Variants in CSMD3 observed in about 807,000 individuals in gnomAD.
CSMD3 encodes the protein CUB and Sushi multiple domains 3.
A neutral mutation model predicts 435.2 loss-of-function variants in CSMD3; 177 were observed. That is an observed-to-expected ratio of 0.41 (90% CI 0.36 to 0.46). The LOEUF is 0.46. Among genes scored for constraint, CSMD3 ranks in the 20% least tolerant of loss-of-function variants. The pLI, the probability that CSMD3 is intolerant of heterozygous loss-of-function variation, is 0.34. For synonymous variants in CSMD3, 1,656 were observed against 1,520.5 expected, an observed-to-expected ratio of 1.09 and a Z score of -2.07; for missense variants, 4,265 against 4,504.6, an observed-to-expected ratio of 0.95 and a Z score of 1.52.
At chr8:112,346,632 CA>C (rs1175548975) in intron 40 of CSMD3, among the ~76,000 whole-genome samples, 1 of 144,554 alleles carries the variant, frequency 6.9e-6, no homozygotes, top group East Asian at 2.1e-4. Flanking sequence ...GTACTGTATT[CA>C]AGAGGAAATC....
intron 13 of CSMD3, among the ~76,000 whole-genome samples, chr8:112,759,147 T>A (rs1293171877): frequency 2.0e-5 from 3 of 152,100 alleles, no homozygotes; most frequent in African/African-American, 7.2e-5. Flanking sequence ...AAGGCCTAAA[T>A]TTACAGCTGA....
At chr8:113,300,891 G>A (rs960146096) in intron 2 of CSMD3, among the ~76,000 whole-genome samples, 4 of 152,020 alleles carry the variant, frequency 2.6e-5, no homozygotes, top group African/African-American at 9.7e-5. Context: ...GCATACAATT[G>A]AGTTAAAATG....
chr8:113,164,073 T>C (rs1258768700), intron 4 of CSMD3, among the ~76,000 whole-genome samples: 1 of 152,024 alleles, frequency 6.6e-6, no homozygotes, highest in African/African-American at 2.4e-5. Context: ...AATCGTGTTT[T>C]CCAGATTTGT....
At chr8:113,290,943 A>G (rs1003198771) in intron 2 of CSMD3, among the ~76,000 whole-genome samples, 1 of 151,340 alleles carries the variant, frequency 6.6e-6, no homozygotes. Context: ...TATTTTTTTA[A>G]ATTACCCATT....
chr8:112,975,995 C>T lies in CSMD3; in HGVS notation c.1184G>A (p.Arg395Gln), dbSNP rs1564168791. The change falls in exon 7 of 71, where the codon CGA becomes CAA. Residue 395 changes from arginine (R) to glutamine (Q), a missense_variant. By Grantham distance (43) the Arg-to-Gln change is conservative. Coordinates refer to ENST00000297405, the MANE Select transcript of CSMD3 (RefSeq NM_198123.2). ...VTIHRLSEEQ[R>Q]VQVTSLRNSG... The stretch of plus-strand genomic sequence containing the variant: ...ATTTCTGAGACTCGTAACTTGCACT[C>T]GCTGTTCCTCGGAAAGTCTATGGAT... 1.9e-6 allele frequency: 3 copies of T among 1,613,986 alleles called. No individual in the cohort carries two copies. The highest frequency in any genetic ancestry group is 1.1e-5 in the South Asian group (1 of 91,082).
At chr8:113,207,167 T>G (rs1348606195) in intron 3 of CSMD3, among the ~76,000 whole-genome samples, 1 of 152,174 alleles carries the variant, frequency 6.6e-6, no homozygotes, top group Non-Finnish European at 1.5e-5. Context: ...TTCTTATCTT[T>G]CTTCATTGAA....
intron 22 of CSMD3, among the ~76,000 whole-genome samples, chr8:112,616,526 C>G (rs915676581): frequency 1.3e-5 from 2 of 151,968 alleles, no homozygotes; most frequent in African/African-American, 4.8e-5. Context: ...AGTCCCTCAC[C>G]AACAATCAAT....
At chr8:112,842,482 GTGT>G (rs751688240) in intron 11 of CSMD3, among the ~76,000 whole-genome samples, 14 of 151,846 alleles carry the variant, frequency 9.2e-5, no homozygotes, top group Non-Finnish European at 1.6e-4. Flanking sequence ...GAATTTATTA[GTGT>G]TGTTGGTGGT....
intron 32 of CSMD3, among the ~76,000 whole-genome samples, chr8:112,456,471 C>T (rs1362670054): frequency 6.6e-6 from 1 of 151,726 alleles, no homozygotes; most frequent in East Asian, 1.9e-4. Flanking sequence ...AATGTGCTTT[C>T]TGAAGAGAGG....
At chr8:112,269,183 G>C (rs943271353) in intron 59 of CSMD3, among the ~76,000 whole-genome samples, 4 of 152,304 alleles carry the variant, frequency 2.6e-5, no homozygotes, top group Middle Eastern at 6.8e-3. Context: ...TCAGTTTTAT[G>C]CTGGGATATC....
intron 5 of CSMD3, among the ~76,000 whole-genome samples, chr8:113,037,440 G>A (rs773348532): frequency 3.9e-5 from 6 of 151,946 alleles, no homozygotes; most frequent in Non-Finnish European, 8.8e-5. Flanking sequence ...ATGTCTGATA[G>A]GAGAGATGTT....
At position 112,625,582 on chromosome 8, in the gene CSMD3, C is replaced by A. The variant is rs147824016; in HGVS notation, c.3715+11235G>T. The stretch of plus-strand genomic sequence containing the variant: ...AATGCATGAAATAAAAGCTATCCAT[C>A]ACCTTTGAAATACACTGTTTGTCGA... On this transcript the variant is annotated intron_variant, in intron 22 of 70. Transcript: ENST00000297405. Among the ~76,000 whole-genome samples, 34 of 152,162 alleles carry A rather than the reference C, an allele frequency of 2.2e-4. No homozygotes were observed. The East Asian group carries it at 4.2e-3, about 19-fold the overall frequency.
intron 35 of CSMD3, among the ~76,000 whole-genome samples, chr8:112,398,917 ACT>A (rs1443626181): frequency 6.7e-6 from 1 of 148,504 alleles, no homozygotes; most frequent in Non-Finnish European, 1.5e-5. Flanking sequence ...ACTTGATTAA[ACT>A]CTTTTTTTTT....
At chr8:112,528,941 ACAC>A (rs1825253646) in intron 27 of CSMD3, among the ~76,000 whole-genome samples, 1 of 152,030 alleles carries the variant, frequency 6.6e-6, no homozygotes, top group Non-Finnish European at 1.5e-5. Flanking sequence ...CCAGCGCAGT[ACAC>A]CAGCTGGGGA....
chr8:113,345,711 G>A (rs1270834123), intron 1 of CSMD3, among the ~76,000 whole-genome samples: 1 of 151,982 alleles, frequency 6.6e-6, no homozygotes, highest in Admixed American at 6.6e-5. Context: ...CATTTTACAT[G>A]TAATAATTCA....
intron 24 of CSMD3, among the ~76,000 whole-genome samples, chr8:112,571,826 G>A (rs1047231817): frequency 1.1e-4 from 16 of 149,872 alleles, no homozygotes; most frequent in African/African-American, 3.2e-4. Flanking sequence ...CAAAGATCGC[G>A]CCATTGCACT....
At chr8:112,386,591 G>C (rs1023316138) in intron 36 of CSMD3, among the ~76,000 whole-genome samples, 1 of 151,980 alleles carries the variant, frequency 6.6e-6, no homozygotes, top group Non-Finnish European at 1.5e-5. Flanking sequence ...TCTGCCTCCC[G>C]GGTTCACGTC....
intron 10 of CSMD3, among the ~76,000 whole-genome samples, chr8:112,893,166 T>C (rs1273811722): frequency 1.3e-5 from 2 of 151,430 alleles, no homozygotes; most frequent in Admixed American, 6.6e-5. Flanking sequence ...GTTTTTACTA[T>C]GTACCAGGCA....
In CSMD3 at chr8:112,969,665, A is replaced by C. The variant is rs568203000; in HGVS notation, c.1342+6172T>G. Among the ~76,000 whole-genome samples, 3 of 152,142 alleles carry C rather than the reference A, an allele frequency of 2.0e-5. No individual in the cohort carries two copies. The South Asian group carries it at 6.2e-4, about 31-fold the overall frequency. ...AATTCCCATCGGGAAGTCCAATAAA[A>C]AATAATAATTATTATATGTGTATAT... On this transcript the variant is annotated intron_variant, in intron 7 of 70. Coordinates refer to ENST00000297405, the MANE Select transcript of CSMD3 (RefSeq NM_198123.2).
Sources: gnomAD v4.1 joint callset for allele counts (sites outside exome capture counted in the v4.1 genomes callset) on GRCh38, gnomAD v4.1.1 for gene constraint, MANE v1.5 for transcripts, NCBI Gene and HGNC (gene_info 2026-07-23, HGNC 2026-07-21) for gene names.